Variants in FGD4 observed in about 807,000 individuals in gnomAD.
The protein encoded by FGD4 is FYVE, RhoGEF and PH domain containing 4, also known as FYVE, RhoGEF and PH domain-containing protein 4.
In FGD4, 42 loss-of-function variants were observed where a neutral mutation model predicts 102.0. The observed-to-expected ratio is 0.41, with a 90% CI of 0.32 to 0.53. FGD4 has a LOEUF of 0.53. Ranked by LOEUF, FGD4 falls within the 20% of genes least tolerant of loss-of-function variation. FGD4 has a pLI of 0.21. For synonymous variants in FGD4, 380 were observed against 375.7 expected (o/e 1.01, Z -0.13); for missense variants, 902 against 1,078.2 (o/e 0.84, Z 2.29).
intron 1 of FGD4, among the ~76,000 whole-genome samples, chr12:32,537,889 T>TTTTG (rs1228639230): frequency 1.3e-5 from 2 of 152,224 alleles, no homozygotes; most frequent in African/African-American, 4.8e-5. Context: ...ATAGCAGTTT[T>TTTTG]TTTGTTTGTT....
At chr12:32,499,910 T>C (rs1214875978) in intron 1 of FGD4, among the ~76,000 whole-genome samples, 4 of 152,154 alleles carry the variant, frequency 2.6e-5, no homozygotes, top group Non-Finnish European at 4.4e-5. Context: ...CCCAACTACT[T>C]GAGGGGCTGA....
At chr12:32,453,212 A>ATATCTC (rs58780735) in intron 1 of FGD4, among the ~76,000 whole-genome samples, 18 of 55,616 alleles carry the variant, frequency 3.2e-4, no homozygotes, top group African/African-American at 7.2e-4. Context: ...ATATATATAT[A>ATATCTC]TATATATAAT....
At chr12:32,556,297 T>C (rs566594239) in intron 1 of FGD4, among the ~76,000 whole-genome samples, 1 of 152,304 alleles carries the variant, frequency 6.6e-6, no homozygotes, top group Non-Finnish European at 1.5e-5. Context: ...AAATTTGCCA[T>C]CATAGCCATT....
At chr12:32,525,230 A>G (rs751292313) in intron 1 of FGD4, among the ~76,000 whole-genome samples, 2 of 152,134 alleles carry the variant, frequency 1.3e-5, no homozygotes, top group Non-Finnish European at 2.9e-5. Flanking sequence ...AGGTGCAAGG[A>G]GGGCAAAGAG....
Position 32,640,941 on chromosome 12 carries a change from T to C in FGD4, c.*408T>C. ...CCATGTTGCCAAAATAGATCCATGG[T>C]GAAAAATACAGGGACAGTTGAGGCT... On this transcript the variant is annotated 3_prime_UTR_variant, in exon 17 of 17. Transcript: ENST00000534526. 3.2e-6 allele frequency: 1 copy of C among 312,448 alleles called. No homozygotes were observed. Among genetic ancestry groups the C allele is most frequent in the Non-Finnish European group, 5.9e-6 (1 of 168,634 alleles). 19.4% of individuals were successfully genotyped at this position (312,448 alleles called of 1,614,324 possible).
chr12:32,630,136 G>T (rs1950415711), intron 14 of FGD4, among the ~76,000 whole-genome samples: 1 of 152,250 alleles, frequency 6.6e-6, no homozygotes, highest in Admixed American at 6.5e-5. Flanking sequence ...CTTACTGTGT[G>T]TGTGTTATTT....
rs762589408 is a variant in FGD4 at position 32,643,846 on chromosome 12, G to A, written c.*3313G>A. On this transcript the variant is annotated 3_prime_UTR_variant, in exon 17 of 17. Transcript: ENST00000534526. ...CTTGTCCTTACTTTTTGGAAACAGGGTGGTTGCTTTTATTTGTTTTCTGGT... is the reference window on the plus strand; with the variant it reads ...CTTGTCCTTACTTTTTGGAAACAGGATGGTTGCTTTTATTTGTTTTCTGGT... 6.6e-6 allele frequency: 1 copy of A among 151,918 alleles called. No individual in the cohort carries two copies. The highest frequency in any genetic ancestry group is 2.4e-5 in the African/African-American group (1 of 41,382). The allele number at this position is 151,918 out of a possible 1,614,324, so 9.4% of individuals were successfully genotyped here.
intron 1 of FGD4, among the ~76,000 whole-genome samples, chr12:32,548,400 T>C (rs1471457416): frequency 6.6e-6 from 1 of 152,136 alleles, no homozygotes; most frequent in African/African-American, 2.4e-5. Flanking sequence ...TTTTGTATTC[T>C]GAGATCTTAT....
intron 1 of FGD4, among the ~76,000 whole-genome samples, chr12:32,561,075 G>GTTTTTTTTTTTTTTTTTTTTTTTT (rs1218919677): frequency 1.2e-5 from 1 of 85,150 alleles, no homozygotes; most frequent in Non-Finnish European, 2.2e-5. Flanking sequence ...GTTGGGTTTT[G>GTTTTTTTTTTTTTTTTTTTTTTTT]TTTTTTTTTT....
At chr12:32,526,550 C>T (rs931141345) in intron 1 of FGD4, among the ~76,000 whole-genome samples, 3 of 152,280 alleles carry the variant, frequency 2.0e-5, no homozygotes, top group East Asian at 3.9e-4. Context: ...ACAGGCCACT[C>T]GGTCCTACCA....
intron 1 of FGD4, among the ~76,000 whole-genome samples, chr12:32,445,766 C>T (rs1014374586): frequency 3.3e-5 from 5 of 152,114 alleles, no homozygotes; most frequent in African/African-American, 1.2e-4. Context: ...TTGTTAAACA[C>T]AGATTCAAAA....
chr12:32,594,378 T>C (rs1283746123), intron 4 of FGD4, among the ~76,000 whole-genome samples: 2 of 152,228 alleles, frequency 1.3e-5, no homozygotes, highest in African/African-American at 4.8e-5. Context: ...GATCTGTCGC[T>C]GTCTCCCATC....
chr12:32,635,602 G>C (rs1248097486), intron 15 of FGD4, among the ~76,000 whole-genome samples: 1 of 152,110 alleles, frequency 6.6e-6, no homozygotes, highest in East Asian at 1.9e-4. Context: ...AAATATTTTA[G>C]TCTTTGCAGA....
At chr12:32,585,834 C>CA (rs58688697) in intron 4 of FGD4, among the ~76,000 whole-genome samples, 3,893 of 68,552 alleles carry the variant, frequency 0.057, 284 homozygotes, top group African/African-American at 0.075. Flanking sequence ...GACCTTGTCT[C>CA]AAAAAAAAAA....
At chr12:32,471,158 C>G (rs755382341) in intron 1 of FGD4, among the ~76,000 whole-genome samples, 33 of 152,176 alleles carry the variant, frequency 2.2e-4, no homozygotes, top group Admixed American at 1.4e-3. Context: ...ACCAAGCTCT[C>G]AGGTCTTTGG....
At chr12:32,514,141 T>G (rs946435648) in intron 1 of FGD4, among the ~76,000 whole-genome samples, 2 of 152,180 alleles carry the variant, frequency 1.3e-5, no homozygotes, top group Non-Finnish European at 2.9e-5. Context: ...AAGCAGAGAA[T>G]AAAACAGGGA....
chr12:32,426,422 T>C (rs1449604779), intron 1 of FGD4, among the ~76,000 whole-genome samples: 1 of 152,186 alleles, frequency 6.6e-6, no homozygotes, highest in Non-Finnish European at 1.5e-5. Context: ...GCCGATTTGA[T>C]TGTAGTGGAT....
intron 1 of FGD4, among the ~76,000 whole-genome samples, chr12:32,532,873 A>C (rs149553654): frequency 6.3e-4 from 96 of 152,308 alleles, no homozygotes; most frequent in South Asian, 2.9e-3. Context: ...GTATCAGATT[A>C]ATTGTAAAGC....
At chr12:32,431,488 A>C (rs1942042801) in intron 1 of FGD4, among the ~76,000 whole-genome samples, 1 of 152,222 alleles carries the variant, frequency 6.6e-6, no homozygotes, top group Non-Finnish European at 1.5e-5. Context: ...CAGTTCGTGC[A>C]AATGCTGTAG....
Sources: allele counts gnomAD v4.1 joint callset (sites outside exome capture counted in the v4.1 genomes callset), GRCh38; gene constraint gnomAD v4.1.1; transcripts MANE v1.5; gene names NCBI Gene and HGNC (gene_info 2026-07-23, HGNC 2026-07-21).